Variants in OPA1 observed in about 807,000 individuals in gnomAD.
The protein encoded by OPA1 is OPA1 mitochondrial dynamin like GTPase.
Under a neutral mutation model 152.9 loss-of-function variants are expected in OPA1, and 59 were observed. That is an observed-to-expected ratio of 0.39 (90% CI 0.31 to 0.48). The LOEUF (loss-of-function observed/expected upper bound fraction) is 0.48, where lower values mean the gene tolerates loss of function less well. Ranked by LOEUF, OPA1 falls within the 20% of genes least tolerant of loss-of-function variation. The probability of loss-of-function intolerance (pLI) is 0.96; values close to 1 mark genes in which losing one functional copy is unlikely to be tolerated. For missense variants in OPA1, 1,008 were observed against 1,216.8 expected (o/e 0.83, Z 2.55); for synonymous variants, 400 against 389.9 (o/e 1.03, Z -0.31).
intron 5 of OPA1, among the ~76,000 whole-genome samples, chr3:193,618,055 A>G (rs907001037): frequency 6.6e-6 from 1 of 152,260 alleles, no homozygotes; most frequent in Non-Finnish European, 1.5e-5. Flanking sequence ...TGTGTATTAT[A>G]AGATTAAAGC....
At chr3:193,678,013 TCA>T (rs983748548) in intron 29 of OPA1, among the ~76,000 whole-genome samples, 1 of 152,238 alleles carries the variant, frequency 6.6e-6, no homozygotes, top group African/African-American at 2.4e-5. Context: ...TTTGTTGAAC[TCA>T]CAGTTTCCAC....
At chr3:193,676,902 A>G (rs1335529905) in intron 29 of OPA1, among the ~76,000 whole-genome samples, 3 of 148,056 alleles carry the variant, frequency 2.0e-5, no homozygotes, top group African/African-American at 7.6e-5. Context: ...AATGGCGTGA[A>G]CCTGGGAGGC....
chr3:193,612,785 A>T (rs996566128), intron 1 of OPA1, among the ~76,000 whole-genome samples: 4 of 152,218 alleles, frequency 2.6e-5, no homozygotes, highest in Admixed American at 1.3e-4. Flanking sequence ...TACTTATCAG[A>T]GGTCTGAGGC....
At chr3:193,607,978 T>A (rs1727555544) in intron 1 of OPA1, among the ~76,000 whole-genome samples, 1 of 152,216 alleles carries the variant, frequency 6.6e-6, no homozygotes, top group Non-Finnish European at 1.5e-5. Context: ...GTCTTTCACA[T>A]CCCTTGTATG....
At chr3:193,679,307 AAG>A (rs568168866) in intron 29 of OPA1, among the ~76,000 whole-genome samples, 2 of 151,460 alleles carry the variant, frequency 1.3e-5, no homozygotes, top group Non-Finnish European at 1.5e-5. Context: ...AAGAAAGAGA[AAG>A]AGAGGGAGGG....
intron 29 of OPA1, among the ~76,000 whole-genome samples, chr3:193,674,054 G>A (rs1320631240): frequency 5.3e-5 from 8 of 152,218 alleles, no homozygotes; most frequent in South Asian, 2.1e-4. Flanking sequence ...CAGCGTGCTC[G>A]GCCTCTTGCC....
intron 25 of OPA1, among the ~76,000 whole-genome samples, chr3:193,660,030 C>G (rs1325058610): frequency 6.6e-6 from 1 of 152,042 alleles, no homozygotes; most frequent in African/African-American, 2.4e-5. Context: ...TACCTGTTAT[C>G]CCAGCTACTA....
chr3:193,653,169 A>T (rs1712943802), intron 21 of OPA1, among the ~76,000 whole-genome samples: 1 of 152,146 alleles, frequency 6.6e-6, no homozygotes, highest in Non-Finnish European at 1.5e-5. Flanking sequence ...TCAGTGACTA[A>T]ATTGTCTTTG....
chr3:193,630,284 A>G (rs1254520785), intron 7 of OPA1, among the ~76,000 whole-genome samples: 2 of 152,226 alleles, frequency 1.3e-5, no homozygotes, highest in Admixed American at 6.5e-5. Context: ...GAAATGGGAA[A>G]ACAATTGAAG....
chr3:193,597,542 G>T (rs4263236), intron 1 of OPA1, among the ~76,000 whole-genome samples: 70,334 of 151,466 alleles, frequency 0.46, 16,582 homozygotes, highest in Non-Finnish European at 0.47. Context: ...AATACAAAAA[G>T]TAGCCAGGTG....
intron 29 of OPA1, among the ~76,000 whole-genome samples, chr3:193,688,371 G>A (rs980732630): frequency 6.8e-6 from 1 of 146,934 alleles, no homozygotes; most frequent in Non-Finnish European, 1.5e-5. Context: ...ATTATGGAGT[G>A]TCCGGTCATC....
At chr3:193,595,124 T>C (rs1008409663) in intron 1 of OPA1, among the ~76,000 whole-genome samples, 2 of 152,208 alleles carry the variant, frequency 1.3e-5, no homozygotes, top group South Asian at 2.1e-4. Context: ...ACAGTTTAGC[T>C]ACCTAAAGAA....
intron 6 of OPA1, among the ~76,000 whole-genome samples, chr3:193,625,563 A>G (rs1730966179): frequency 1.3e-5 from 2 of 152,158 alleles, no homozygotes; most frequent in African/African-American, 4.8e-5. Flanking sequence ...ATGCAAAGGC[A>G]CATAGAATAT....
At chr3:193,679,799 A>G (rs1461042631) in intron 29 of OPA1, among the ~76,000 whole-genome samples, 3 of 152,224 alleles carry the variant, frequency 2.0e-5, no homozygotes, top group African/African-American at 4.8e-5. Context: ...TTCTAGGTTT[A>G]TAAATCTATG....
chr3:193,616,497 A>C (rs569289310), intron 3 of OPA1, among the ~76,000 whole-genome samples: 1 of 152,124 alleles, frequency 6.6e-6, no homozygotes, highest in Non-Finnish European at 1.5e-5. Flanking sequence ...CATTTTCTGC[A>C]TTATGTAATG....
intron 4 of OPA1, among the ~76,000 whole-genome samples, 163 bp from the exon 5 acceptor site, chr3:193,617,621 A>C (rs1467454947): frequency 6.6e-6 from 1 of 152,232 alleles, no homozygotes; most frequent in Non-Finnish European, 1.5e-5. Flanking sequence ...AACAAATTTA[A>C]GTATGATAGA....
At chr3:193,602,872 T>C (rs969078360) in intron 1 of OPA1, among the ~76,000 whole-genome samples, 1 of 152,234 alleles carries the variant, frequency 6.6e-6, no homozygotes, top group Admixed American at 6.5e-5. Context: ...ATTTCTTAGC[T>C]ATGGTCACAG....
chr3:193,622,953 G>A (rs950577084), intron 6 of OPA1, among the ~76,000 whole-genome samples: 1 of 152,132 alleles, frequency 6.6e-6, no homozygotes, highest in South Asian at 2.1e-4. Context: ...GGCAACCATT[G>A]AGGAGAACAA....
At chr3:193,639,948 T>A (rs549033993) in intron 11 of OPA1, among the ~76,000 whole-genome samples, 3 of 150,920 alleles carry the variant, frequency 2.0e-5, no homozygotes, top group Admixed American at 1.3e-4. Flanking sequence ...AGAGAGAGAG[T>A]GTCAATCATC....
Sources: gnomAD v4.1 joint callset for allele counts (sites outside exome capture counted in the v4.1 genomes callset) on GRCh38, gnomAD v4.1.1 for gene constraint, MANE v1.5 for transcripts, NCBI Gene and HGNC (gene_info 2026-07-23, HGNC 2026-07-21) for gene names.